The following IGLON5 variants were observed in gnomAD, a reference collection of about 807,000 sequenced individuals.
The protein encoded by IGLON5 is IgLON family member 5.
A neutral mutation model predicts 38.2 loss-of-function variants in IGLON5; 16 were observed. That is an observed-to-expected ratio of 0.42 (90% CI 0.28 to 0.64). The LOEUF is 0.64. Ranked by LOEUF, IGLON5 falls within the 30% of genes least tolerant of loss-of-function variation. IGLON5 has a pLI of 0.23. For missense variants in IGLON5, 366 were observed against 483.4 expected, an observed-to-expected ratio of 0.76 and a Z score of 2.28; for synonymous variants, 207 against 216.4, an observed-to-expected ratio of 0.96 and a Z score of 0.38.
chr19:51,323,761 G>A lies in IGLON5; in HGVS notation c.258G>A (p.Arg86=). 1 of 1,613,942 alleles carries A rather than the reference G, an allele frequency of 6.2e-7. No individual in the cohort carries two copies. The highest frequency in any genetic ancestry group is 2.2e-5 in the East Asian group (1 of 44,878). The part of the protein sequence containing the change: ...NDRWTSDPRV[R]LLINTPEEFS... ...GCTGGACCAGCGACCCGCGGGTGCG[G>A]CTGCTCATCAACACCCCCGAGGAGT... The change falls in exon 3 of 8, where the codon CGG becomes CGA. Residue 86 remains arginine (R), a synonymous_variant. Coordinates refer to ENST00000270642, the MANE Select transcript of IGLON5 (RefSeq NM_001101372.3).
intron 3 of IGLON5, 95 bp downstream of exon 3, chr19:51,323,989 G>A: frequency 2.4e-6 from 2 of 833,296 alleles, no homozygotes; most frequent in Non-Finnish European, 1.9e-6. Context: ...CCAACCCCAG[G>A]GATACATAGC....
intron 1 of IGLON5, among the ~76,000 whole-genome samples, chr19:51,321,287 C>T (rs10424797): frequency 0.54 from 81,956 of 151,930 alleles, 22,349 homozygotes; most frequent in Admixed American, 0.62. Flanking sequence ...AAGTGATTCT[C>T]CTGCCTCAGC....
In IGLON5 at chr19:51,327,226, G is replaced by A. The variant is rs781498855; in HGVS notation, c.767+26G>A. 1 of 1,597,622 alleles carries A rather than the reference G, an allele frequency of 6.3e-7. No individual in the cohort carries two copies. Among genetic ancestry groups the A allele is most frequent in the South Asian group, 1.1e-5 (1 of 90,540 alleles). ...GTGAGGACAGCACTGAGGGGGCCGT[G>A]GGAGCGGGAAGGGGAGGTCTTTAGT... On this transcript the variant is annotated intron_variant, in intron 6 of 7. Coordinates refer to ENST00000270642, the MANE Select transcript of IGLON5 (RefSeq NM_001101372.3). The surrounding 1 kb of genome is among the most constrained non-coding windows in gnomAD (Gnocchi z 7.1).
At chr19:51,323,050 T>A (rs974862461) in intron 2 of IGLON5, among the ~76,000 whole-genome samples, 1 of 150,278 alleles carries the variant, frequency 6.7e-6, no homozygotes, top group African/African-American at 2.5e-5. Context: ...TCTCTGGGTC[T>A]TTGTCTCTTT....
At chr19:51,321,737 G>A (rs956591458) in intron 1 of IGLON5, among the ~76,000 whole-genome samples, 6 of 152,210 alleles carry the variant, frequency 3.9e-5, no homozygotes, top group African/African-American at 1.4e-4. Context: ...CTCTGGAGGT[G>A]TGTAGGTTTG....
In IGLON5 at chr19:51,311,857, C is replaced by G. The variant is rs754919683; in HGVS notation, c.10C>G (p.Pro4Ala). 1.9e-4 allele frequency: 255 copies of G among 1,321,452 alleles called. No individual in the cohort carries two copies. The highest frequency in any genetic ancestry group is 1.3e-3 in the South Asian group (68 of 52,048). 81.9% of individuals were successfully genotyped at this position (1,321,452 alleles called of 1,614,324 possible). MPP[P>A]APGARLRLLA... Reference sequence around the variant, plus strand: ...CGCCGCCTCTGCCGCGATGCCCCCCCCTGCGCCCGGGGCCCGGCTCCGGCT... The same window carrying G: ...CGCCGCCTCTGCCGCGATGCCCCCCGCTGCGCCCGGGGCCCGGCTCCGGCT... The change falls in exon 1 of 8, where the codon CCT (proline) becomes GCT (alanine). Residue 4 changes from proline to alanine, a missense_variant. By Grantham distance (27) the Pro-to-Ala change is conservative. Transcript: ENST00000270642.
At chr19:51,315,688 C>CTTTTTTTTTTTTTTTTTTTTTTT (rs756194855) in intron 1 of IGLON5, among the ~76,000 whole-genome samples, 2 of 82,590 alleles carry the variant, frequency 2.4e-5, no homozygotes, top group African/African-American at 9.0e-5. Flanking sequence ...GGAAGTCAAC[C>CTTTTTTTTTTTTTTTTTTTTTTT]TTTTTTTTTT....
chr19:51,323,476 T>C (rs1985128748), intron 2 of IGLON5, among the ~76,000 whole-genome samples, 186 bp from the exon 3 acceptor site: 1 of 152,208 alleles, frequency 6.6e-6, no homozygotes, highest in Non-Finnish European at 1.5e-5. Context: ...GCAGTTGGGC[T>C]CACAGCTTTC....
intron 2 of IGLON5, among the ~76,000 whole-genome samples, chr19:51,323,191 T>G (rs1054901424): frequency 2.7e-5 from 4 of 147,996 alleles, no homozygotes; most frequent in Non-Finnish European, 6.0e-5. Context: ...GGTCTCTCTC[T>G]CTCTCTCTTT....
Position 51,322,119 on chromosome 19 carries a change from T to C in IGLON5, c.135T>C (p.Cys45=). ...CTCCTGCCGACAACTACACAGTGTG[T>C]GAAGGTGACAACGCCACCCTCAGGT... The part of the protein sequence containing the change: ...FNSPADNYTV[C]EGDNATLSCF... The change falls in exon 2 of 8, where the codon TGT becomes TGC. Residue 45 remains cysteine, a synonymous_variant. Transcript: ENST00000270642. The C allele has an allele frequency of 1.9e-6, 3 of 1,613,242 alleles. No homozygotes were observed. The highest frequency in any genetic ancestry group is 2.5e-6 in the Non-Finnish European group (3 of 1,179,800).
chr19:51,314,410 C>T (rs1984862957), intron 1 of IGLON5, among the ~76,000 whole-genome samples: 2 of 152,286 alleles, frequency 1.3e-5, no homozygotes, highest in South Asian at 4.1e-4. Context: ...TTTCGAACTC[C>T]TGACCTCAGG....
chr19:51,323,288 G>A (rs1290218493), intron 2 of IGLON5, among the ~76,000 whole-genome samples: 1 of 145,616 alleles, frequency 6.9e-6, no homozygotes, highest in Non-Finnish European at 1.5e-5. Flanking sequence ...GTGTGTGTGT[G>A]TCTCTGTCCT....
intron 1 of IGLON5, among the ~76,000 whole-genome samples, chr19:51,312,128 G>A (rs1461851660): frequency 1.3e-5 from 2 of 152,076 alleles, no homozygotes; most frequent in Admixed American, 6.5e-5. Flanking sequence ...CCGCGCCCCG[G>A]GGCAGGGGTC....
Position 51,327,339 on chromosome 19 carries a change from G to A in IGLON5, c.767+139G>A, listed in dbSNP as rs1156898559. 2 of 1,215,126 alleles carry A rather than the reference G, an allele frequency of 1.6e-6. No individual in the cohort carries two copies. Among genetic ancestry groups the A allele is most frequent in the African/African-American group, 1.5e-5 (1 of 66,388 alleles). 75.3% of individuals were successfully genotyped at this position (1,215,126 alleles called of 1,614,324 possible). On this transcript the variant is annotated intron_variant, in intron 6 of 7. Coordinates refer to ENST00000270642, the MANE Select transcript of IGLON5 (RefSeq NM_001101372.3). This position sits in a 1 kb window ranked among gnomAD's most constrained non-coding sequence, Gnocchi z 7.1. ...CGAACCTGGGGCGTCCAGCTTCTAG[G>A]TGATGGGATCTGTCCAGCCCCGGAG...
intron 1 of IGLON5, among the ~76,000 whole-genome samples, chr19:51,319,302 TGC>T (rs1205399749): frequency 1.2e-4 from 12 of 96,294 alleles, no homozygotes; most frequent in African/African-American, 4.8e-4. Flanking sequence ...CCTGTGTGTG[TGC>T]GTGTGTGTGT....
intron 2 of IGLON5, among the ~76,000 whole-genome samples, chr19:51,322,531 C>T (rs1985091489): frequency 6.6e-6 from 1 of 151,532 alleles, no homozygotes; most frequent in African/African-American, 2.4e-5. Context: ...CCCAGGTCTC[C>T]ACCTCTCCTC....
chr19:51,315,463 A>G (rs1984894616), intron 1 of IGLON5, among the ~76,000 whole-genome samples: 1 of 152,216 alleles, frequency 6.6e-6, no homozygotes, highest in Non-Finnish European at 1.5e-5. Context: ...CAGTGAGTGA[A>G]CCAGGCAGTC....
intron 1 of IGLON5, among the ~76,000 whole-genome samples, chr19:51,321,420 C>A (rs1390986558): frequency 3.9e-5 from 6 of 152,220 alleles, no homozygotes; most frequent in South Asian, 2.1e-4. Context: ...CTCAGGTAAT[C>A]CTCCCACCTC....
intron 7 of IGLON5, among the ~76,000 whole-genome samples, 163 bp from the exon 8 acceptor site, chr19:51,328,508 A>G (rs1168825132): frequency 7.0e-6 from 1 of 141,892 alleles, no homozygotes; most frequent in South Asian, 2.1e-4. Flanking sequence ...AAAAAAAGAA[A>G]AAAAAAAAAA....
Sources: gnomAD v4.1 joint callset for allele counts (sites outside exome capture counted in the v4.1 genomes callset) on GRCh38, gnomAD v4.1.1 for gene constraint, Gnocchi (gnomAD v3.1) non-coding constraint, MANE v1.5 for transcripts, NCBI Gene and HGNC (gene_info 2026-07-23, HGNC 2026-07-21) for gene names.